The following TNNI3K variants were observed in gnomAD, a reference collection of about 807,000 sequenced individuals.
TNNI3K encodes the protein TNNI3 interacting kinase, also known as serine/threonine-protein kinase TNNI3K.
TNNI3K carries 140 observed loss-of-function variants against 114.5 expected under a neutral mutation model. The observed-to-expected ratio is 1.22, with a 90% CI of 1.07 to 1.41. The LOEUF is 1.41. Among genes scored for constraint, TNNI3K ranks in the 40% most tolerant of loss-of-function variants. The pLI is 0.00. For missense variants in TNNI3K, 1,125 were observed against 1,007.6 expected, an observed-to-expected ratio of 1.12 and a Z score of -1.58; for synonymous variants, 347 against 347.5, an observed-to-expected ratio of 1.00 and a Z score of 0.02.
chr1:74,276,244 G>A (rs1057337857), intron 5 of TNNI3K, among the ~76,000 whole-genome samples: 6 of 151,926 alleles, frequency 3.9e-5, no homozygotes, highest in African/African-American at 7.2e-5. Flanking sequence ...TGGGTTTAAC[G>A]TAAATTTTTA....
At chr1:74,455,276 G>T (rs1372380140) in intron 20 of TNNI3K, among the ~76,000 whole-genome samples, 1 of 152,184 alleles carries the variant, frequency 6.6e-6, no homozygotes, top group Non-Finnish European at 1.5e-5. Context: ...ATGACTACTA[G>T]TTAAATAGGT....
rs1022061761 is a variant in TNNI3K, at chr1:74,368,899, A to G, written c.1322-123A>G. On this transcript the variant is annotated intron_variant, in intron 13 of 24. Transcript: ENST00000326637. Reference sequence around the variant, plus strand: ...TCTTTAAGTAGTCAATTACAGTTGGAAAATTAAAAATTAAATGTTATTAGG... The same window carrying G: ...TCTTTAAGTAGTCAATTACAGTTGGGAAATTAAAAATTAAATGTTATTAGG... 10 of 868,396 alleles carry G rather than the reference A, an allele frequency of 1.2e-5. No individual in the cohort carries two copies. In the Admixed American group the frequency reaches 1.8e-4, roughly 15 times the overall value. The allele number at this position is 868,396 out of a possible 1,614,324, so 53.8% of individuals were successfully genotyped here. A position where few individuals can be genotyped will look rare whatever the true frequency, so the allele number is the denominator to read the frequency against.
intron 17 of TNNI3K, chr1:74,418,222 T>C (rs1439711661): frequency 2.2e-6 from 1 of 451,908 alleles, no homozygotes; most frequent in East Asian, 7.1e-5. Flanking sequence ...TCTTTGAACA[T>C]GAGGCAGTGC....
chr1:74,279,456 A>G (rs1273269145), intron 5 of TNNI3K, among the ~76,000 whole-genome samples: 1 of 152,194 alleles, frequency 6.6e-6, no homozygotes, highest in Non-Finnish European at 1.5e-5. Context: ...TCTCAAGACT[A>G]CCTCAGACCT....
chr1:74,242,682 C>A (rs530524381), intron 2 of TNNI3K, among the ~76,000 whole-genome samples: 19 of 151,820 alleles, frequency 1.3e-4, no homozygotes, highest in African/African-American at 4.1e-4. Context: ...TCGTCAACAA[C>A]AAAAAAAACC....
intron 4 of TNNI3K, among the ~76,000 whole-genome samples, chr1:74,265,966 TATTC>T (rs1339213307): frequency 6.6e-6 from 1 of 152,094 alleles, no homozygotes. Context: ...TTGAATTATT[TATTC>T]ATTTTCTTTG....
chr1:74,396,781 G>GA (rs1664104476), intron 17 of TNNI3K, among the ~76,000 whole-genome samples: 1 of 152,184 alleles, frequency 6.6e-6, no homozygotes, highest in South Asian at 2.1e-4. Context: ...GAACCAACAA[G>GA]AAAAAGAGGA....
chr1:74,337,192 G>A (rs1305489436), intron 7 of TNNI3K, among the ~76,000 whole-genome samples: 1 of 152,062 alleles, frequency 6.6e-6, no homozygotes, highest in Non-Finnish European at 1.5e-5. Flanking sequence ...CTTTGTGATG[G>A]GGTTGTTTAT....
chr1:74,326,671 A>C (rs911730943), intron 5 of TNNI3K, among the ~76,000 whole-genome samples: 27 of 152,172 alleles, frequency 1.8e-4, no homozygotes, highest in Non-Finnish European at 1.2e-4. Flanking sequence ...TGTGTCACTA[A>C]GTTTTATAGG....
intron 5 of TNNI3K, among the ~76,000 whole-genome samples, chr1:74,283,447 C>A (rs536461657): frequency 6.6e-6 from 1 of 152,198 alleles, no homozygotes; most frequent in African/African-American, 2.4e-5. Context: ...TTGTCAATTT[C>A]TTTTTGTCAC....
intron 5 of TNNI3K, among the ~76,000 whole-genome samples, chr1:74,295,276 C>T (rs1241833061): frequency 6.6e-6 from 1 of 151,966 alleles, no homozygotes; most frequent in Non-Finnish European, 1.5e-5. Context: ...TGCTTTATGA[C>T]CAAGCATATG....
chr1:74,444,539 A>G (rs1666540524), intron 20 of TNNI3K, among the ~76,000 whole-genome samples: 2 of 152,200 alleles, frequency 1.3e-5, no homozygotes, highest in Admixed American at 1.3e-4. Flanking sequence ...GAGAGGACAC[A>G]AACAAATGGA....
intron 23 of TNNI3K, among the ~76,000 whole-genome samples, chr1:74,494,300 G>T (rs1293841153): frequency 2.0e-5 from 3 of 152,166 alleles, no homozygotes; most frequent in Non-Finnish European, 4.4e-5. Context: ...TGCAATTGTT[G>T]CTTTTTTAGC....
chr1:74,391,542 G>A (rs568692917), intron 17 of TNNI3K, among the ~76,000 whole-genome samples: 2 of 152,138 alleles, frequency 1.3e-5, no homozygotes, highest in Non-Finnish European at 2.9e-5. Context: ...AAAACCAAGA[G>A]GTCTTTTGTG....
chr1:74,443,901 A>G (rs1666501509), intron 20 of TNNI3K, among the ~76,000 whole-genome samples: 1 of 152,200 alleles, frequency 6.6e-6, no homozygotes, highest in African/African-American at 2.4e-5. Context: ...AGAACTAAAG[A>G]CAGAAACCTC....
intron 4 of TNNI3K, among the ~76,000 whole-genome samples, chr1:74,261,593 G>GA (rs965282195): frequency 6.6e-6 from 1 of 151,976 alleles, no homozygotes; most frequent in Admixed American, 6.6e-5. Context: ...AGACTTTGGG[G>GA]AAAAAATTGA....
chr1:74,259,679 G>A (rs757515383), intron 4 of TNNI3K, among the ~76,000 whole-genome samples: 14 of 152,070 alleles, frequency 9.2e-5, no homozygotes, highest in Non-Finnish European at 1.8e-4. Flanking sequence ...AGGCTAAGGT[G>A]GGAGAATCAC....
chr1:74,413,157 A>G (rs1032798823), intron 17 of TNNI3K, among the ~76,000 whole-genome samples: 43 of 152,330 alleles, frequency 2.8e-4, no homozygotes, highest in Middle Eastern at 3.4e-3. Flanking sequence ...TTAAACATTT[A>G]TGAAAAGTTT....
At chr1:74,282,787 A>G (rs1203030745) in intron 5 of TNNI3K, among the ~76,000 whole-genome samples, 1 of 152,092 alleles carries the variant, frequency 6.6e-6, no homozygotes, top group East Asian at 1.9e-4. Context: ...ATTTCACACA[A>G]TGCATCAATA....
Sources: allele counts gnomAD v4.1 joint callset (sites outside exome capture counted in the v4.1 genomes callset), GRCh38; gene constraint gnomAD v4.1.1; transcripts MANE v1.5; gene names NCBI Gene and HGNC (gene_info 2026-07-23, HGNC 2026-07-21).